Variants in AUTS2 observed in about 807,000 individuals in gnomAD.
AUTS2 encodes activator of transcription and developmental regulator AUTS2.
AUTS2 carries 17 observed loss-of-function variants against 112.4 expected under a neutral mutation model. The observed-to-expected ratio is 0.15, with a 90% CI of 0.10 to 0.23. The LOEUF (loss-of-function observed/expected upper bound fraction) is 0.23, where lower values mean the gene tolerates loss of function less well. Among genes scored for constraint, AUTS2 ranks in the 10% least tolerant of loss-of-function variants. The pLI is 1.00. For missense variants in AUTS2, 1,510 were observed against 1,701.6 expected (o/e 0.89, Z 1.98); for synonymous variants, 751 against 702.7 (o/e 1.07, Z -1.09).
intron 5 of AUTS2, among the ~76,000 whole-genome samples, chr7:70,574,682 T>C (rs187800432): frequency 4.6e-4 from 70 of 152,304 alleles, no homozygotes; most frequent in African/African-American, 1.7e-3. Flanking sequence ...CCTGCCATTC[T>C]CCCTTGGCTT....
chr7:70,087,660 C>T (rs142028600), intron 2 of AUTS2, among the ~76,000 whole-genome samples: 8 of 152,158 alleles, frequency 5.3e-5, no homozygotes, highest in East Asian at 1.9e-4. Flanking sequence ...TGAGTCCCTG[C>T]GCACAGCCTA....
intron 5 of AUTS2, among the ~76,000 whole-genome samples, chr7:70,523,744 A>C (rs1037207819): frequency 6.6e-6 from 1 of 152,212 alleles, no homozygotes; most frequent in Non-Finnish European, 1.5e-5. Context: ...CTATAGCTGG[A>C]AAGTACAACG....
intron 4 of AUTS2, among the ~76,000 whole-genome samples, chr7:70,433,489 C>T (rs1795760890): frequency 6.6e-6 from 1 of 152,198 alleles, no homozygotes; most frequent in South Asian, 2.1e-4. Flanking sequence ...ATGGAGAGAT[C>T]ACACAATCAG....
At chr7:69,708,437 A>G (rs752751981) in intron 1 of AUTS2, among the ~76,000 whole-genome samples, 1 of 152,188 alleles carries the variant, frequency 6.6e-6, no homozygotes, top group Non-Finnish European at 1.5e-5. Context: ...GCAACCAAAC[A>G]TCATTTCCTT....
chr7:70,499,221 C>T (rs1223235696), intron 5 of AUTS2, among the ~76,000 whole-genome samples: 2 of 152,080 alleles, frequency 1.3e-5, no homozygotes, highest in Non-Finnish European at 2.9e-5. Flanking sequence ...GCTAAAGGGT[C>T]CCAGAGGAGG....
intron 4 of AUTS2, among the ~76,000 whole-genome samples, chr7:70,267,101 A>G (rs1787465552): frequency 1.3e-5 from 2 of 152,178 alleles, no homozygotes; most frequent in Admixed American, 6.5e-5. Flanking sequence ...ATTGTCCTCA[A>G]AATCTTCTGA....
chr7:69,992,880 T>G (rs536514219), intron 2 of AUTS2, among the ~76,000 whole-genome samples: 94 of 152,268 alleles, frequency 6.2e-4, no homozygotes, highest in South Asian at 2.5e-3. Flanking sequence ...GTGAGACCCA[T>G]CTCAGAAGGA....
intron 5 of AUTS2, among the ~76,000 whole-genome samples, chr7:70,567,709 G>C (rs1801764078): frequency 6.6e-6 from 1 of 152,184 alleles, no homozygotes; most frequent in Admixed American, 6.5e-5. Context: ...AGGGAGGCCT[G>C]AGTGTTAGCT....
rs774769759 is a variant in AUTS2 at position 70,496,169 on chromosome 7, T to TCA, written c.690+60402_690+60403dup. 1.2e-4 allele frequency among the ~76,000 whole-genome samples: 5 copies of TCA among 40,148 alleles called. No homozygotes were observed. In the East Asian group the frequency reaches 3.3e-3, roughly 26 times the overall value. 26.3% of individuals were successfully genotyped at this position (40,148 alleles called of 152,430 possible). On this transcript the variant is annotated intron_variant, in intron 5 of 18. Coordinates refer to ENST00000342771, the MANE Select transcript of AUTS2 (RefSeq NM_015570.4). ...CCACTCACACACACCACGTACACAG[T>TCA]CACACACACACACACCCCACACATG...
At chr7:69,886,155 C>G (rs998194417) in intron 1 of AUTS2, among the ~76,000 whole-genome samples, 5 of 152,194 alleles carry the variant, frequency 3.3e-5, no homozygotes, top group Non-Finnish European at 5.9e-5. Context: ...AGATTGGTCT[C>G]TGCCCTTGAG....
At chr7:70,347,526 C>T (rs1009344947) in intron 4 of AUTS2, among the ~76,000 whole-genome samples, 2 of 152,070 alleles carry the variant, frequency 1.3e-5, no homozygotes, top group Non-Finnish European at 2.9e-5. Context: ...TCTCTGCTCA[C>T]CTGGAATGAG....
At chr7:70,326,827 G>A (rs1183726018) in intron 4 of AUTS2, among the ~76,000 whole-genome samples, 6 of 151,882 alleles carry the variant, frequency 4.0e-5, no homozygotes, top group Non-Finnish European at 8.8e-5. Context: ...GCTTGTTGAG[G>A]CTTTTAAACG....
At chr7:69,832,825 A>C (rs1477897739) in intron 1 of AUTS2, among the ~76,000 whole-genome samples, 3 of 152,178 alleles carry the variant, frequency 2.0e-5, no homozygotes, top group Admixed American at 2.0e-4. Context: ...AACAACAAAA[A>C]CATTAACTGT....
chr7:70,259,341 T>C (rs571029639), intron 4 of AUTS2, among the ~76,000 whole-genome samples: 32 of 152,218 alleles, frequency 2.1e-4, no homozygotes, highest in African/African-American at 7.0e-4. Context: ...AAGAGGTTTT[T>C]CCATTTTAAA....
chr7:70,586,564 G>C (rs920138253), intron 5 of AUTS2, among the ~76,000 whole-genome samples: 2 of 152,168 alleles, frequency 1.3e-5, no homozygotes, highest in Non-Finnish European at 1.5e-5. Context: ...TGACTGAAGC[G>C]TTGCATTGTA....
chr7:70,526,533 G>T (rs542846818), intron 5 of AUTS2, among the ~76,000 whole-genome samples: 6 of 152,164 alleles, frequency 3.9e-5, no homozygotes, highest in Non-Finnish European at 8.8e-5. Context: ...TTAGCCAGGC[G>T]TGGTGGCACA....
chr7:69,954,154 A>G (rs534001265), intron 2 of AUTS2, among the ~76,000 whole-genome samples: 2 of 152,280 alleles, frequency 1.3e-5, no homozygotes, highest in African/African-American at 4.8e-5. Context: ...AAACTAATCA[A>G]TCACTCCACA....
chr7:70,752,456 T>C (rs1435438118), intron 6 of AUTS2, among the ~76,000 whole-genome samples: 56 of 152,308 alleles, frequency 3.7e-4, no homozygotes, highest in Non-Finnish European at 1.5e-5. Context: ...TGGGAACGTG[T>C]TATAGATATA....
At chr7:70,503,529 T>TTTC (rs1798847267) in intron 5 of AUTS2, among the ~76,000 whole-genome samples, 1 of 149,758 alleles carries the variant, frequency 6.7e-6, no homozygotes, top group Non-Finnish European at 1.5e-5. Flanking sequence ...TTTTTTTTTT[T>TTTC]TTTTTTTGAG....
Sources: allele counts gnomAD v4.1 joint callset (sites outside exome capture counted in the v4.1 genomes callset), GRCh38; gene constraint gnomAD v4.1.1; transcripts MANE v1.5; gene names NCBI Gene and HGNC (gene_info 2026-07-23, HGNC 2026-07-21).